The following RARB variants were observed in gnomAD, a reference collection of about 807,000 sequenced individuals.
The protein encoded by RARB is retinoic acid receptor beta.
Under a neutral mutation model 51.9 loss-of-function variants are expected in RARB, and 17 were observed. That is an observed-to-expected ratio of 0.33 (90% confidence interval 0.22 to 0.49). The LOEUF (loss-of-function observed/expected upper bound fraction) is 0.49, where lower values mean the gene tolerates loss of function less well. RARB is among the 20% of genes least tolerant of loss of function. The pLI, the probability that RARB is intolerant of heterozygous loss-of-function variation, is 0.99. For missense variants in RARB, 369 were observed against 550.8 expected, an observed-to-expected ratio of 0.67 and a Z score of 3.30; for synonymous variants, 215 against 195.4, an observed-to-expected ratio of 1.10 and a Z score of -0.84.
At chr3:25,226,832 G>A (rs572810150) in intron 5 of RARB, among the ~76,000 whole-genome samples, 2 of 152,272 alleles carry the variant, frequency 1.3e-5, no homozygotes, top group South Asian at 4.1e-4. Flanking sequence ...AATGTAGGGA[G>A]CTTGGAACTA....
intron 2 of RARB, among the ~76,000 whole-genome samples, chr3:24,908,383 G>A (rs1694912623): frequency 6.6e-6 from 1 of 152,100 alleles, no homozygotes; most frequent in African/African-American, 2.4e-5. Flanking sequence ...AGAGATTACA[G>A]TCACCATATG....
At chr3:25,147,362 C>T (rs562671576) in intron 4 of RARB, among the ~76,000 whole-genome samples, 1 of 152,210 alleles carries the variant, frequency 6.6e-6, no homozygotes. Context: ...TCAGGGCAGC[C>T]CCTTGTTCCA....
intron 2 of RARB, among the ~76,000 whole-genome samples, chr3:25,034,749 C>T (rs1026189465): frequency 2.6e-5 from 4 of 152,154 alleles, no homozygotes; most frequent in Non-Finnish European, 4.4e-5. Flanking sequence ...GCTCACAGAA[C>T]GAATGATTTG....
At chr3:25,543,381 C>T (rs1699467673) in intron 3 of RARB, among the ~76,000 whole-genome samples, 1 of 152,180 alleles carries the variant, frequency 6.6e-6, no homozygotes, top group Admixed American at 6.5e-5. Flanking sequence ...AGTTCCTACT[C>T]TCCTTGACAT....
chr3:25,549,255 GA>G lies in RARB; in HGVS notation c.449-20499del, dbSNP rs1699743654. ...CAGGCCTGATAAGCATTTAGAGACT[GA>G]AAAGAAGGGGGCCAAAGCAGAAGGC... On this transcript the variant is annotated intron_variant, in intron 3 of 7. Coordinates refer to ENST00000330688, the MANE Select transcript of RARB (RefSeq NM_000965.5). Among the ~76,000 whole-genome samples the G allele has an allele frequency of 2.0e-5, 3 of 152,040 alleles. No homozygotes were observed. The South Asian group carries it at 6.2e-4, about 32-fold the overall frequency.
chr3:24,865,976 C>T (rs556551690), intron 2 of RARB, among the ~76,000 whole-genome samples: 11 of 152,128 alleles, frequency 7.2e-5, no homozygotes, highest in Admixed American at 2.0e-4. Flanking sequence ...TGACCTCTTT[C>T]CCCCTAATTA....
rs75002491 is a variant in RARB at position 25,107,356 on chromosome 3, G to A, written c.-327-24805G>A. ...GACTCATTTGTGCCTTGTGTAAAGT[G>A]TAGAGAGGTTCTGAGAGGGGCCTTT... is the stretch of plus-strand genomic sequence containing the variant. On this transcript the variant is annotated intron_variant, in intron 3 of 11. Transcript: ENST00000383772. Among the ~76,000 whole-genome samples the A allele has an allele frequency of 6.5e-3, 994 of 152,310 alleles. 58 individuals are homozygous for A. In the East Asian group the frequency reaches 0.15, roughly 23 times the overall value.
intron 5 of RARB, among the ~76,000 whole-genome samples, chr3:25,254,823 A>G (rs1350134028): frequency 6.6e-6 from 1 of 151,368 alleles, no homozygotes; most frequent in African/African-American, 2.4e-5. Context: ...ACTGTCTTTG[A>G]CTCTGCCATT....
chr3:25,564,880 G>A lies in RARB; in HGVS notation c.449-4878G>A, dbSNP rs189289118. ...ATATGAGTGCATATACCAGTCAGTC[G>A]CAATCAGAGTGAAAGAAGAGGTCCA... On this transcript the variant is annotated intron_variant, in intron 3 of 7. Coordinates refer to ENST00000330688, the MANE Select transcript of RARB (RefSeq NM_000965.5). Among the ~76,000 whole-genome samples, 47 of 152,186 alleles carry A rather than the reference G, an allele frequency of 3.1e-4. No individual in the cohort carries two copies. The East Asian group carries it at 6.0e-3, about 19-fold the overall frequency.
At chr3:25,494,249 T>C (rs1696889694) in intron 2 of RARB, among the ~76,000 whole-genome samples, 1 of 42,212 alleles carries the variant, frequency 2.4e-5, no homozygotes, top group African/African-American at 3.9e-4. Context: ...CAGCTGTATC[T>C]TACGCACACA....
At chr3:24,971,929 A>C (rs866682958) in intron 2 of RARB, among the ~76,000 whole-genome samples, 28 of 152,064 alleles carry the variant, frequency 1.8e-4, no homozygotes, top group African/African-American at 6.5e-4. Flanking sequence ...GCTACATGTG[A>C]TAATTTGATA....
chr3:24,899,997 A>AT (rs1024395990), intron 2 of RARB, among the ~76,000 whole-genome samples: 4 of 152,116 alleles, frequency 2.6e-5, no homozygotes, highest in Non-Finnish European at 4.4e-5. Flanking sequence ...CGATATAAGC[A>AT]TTTTTTCATT....
chr3:25,460,703 C>T lies in RARB; in HGVS notation c.158-490C>T, dbSNP rs187591493. ...CCTCAGGTGATCCCCCTGCCTCAGC[C>T]TCCCAAAGTGCTAGGATTACAGGTG... On this transcript the variant is annotated intron_variant, in intron 1 of 7. Coordinates refer to ENST00000330688, the MANE Select transcript of RARB (RefSeq NM_000965.5). 5.5e-4 allele frequency among the ~76,000 whole-genome samples: 83 copies of T among 152,228 alleles called. 2 individuals are homozygous for T. The East Asian group carries it at 0.013, about 24-fold the overall frequency.
chr3:25,282,147 G>A (rs901277540), intron 5 of RARB, among the ~76,000 whole-genome samples: 4 of 152,158 alleles, frequency 2.6e-5, no homozygotes, highest in Non-Finnish European at 4.4e-5. Context: ...TTAATCTTAG[G>A]AATTAGGTGC....
intron 5 of RARB, among the ~76,000 whole-genome samples, chr3:25,406,708 A>C (rs555756892): frequency 6.6e-6 from 1 of 152,314 alleles, no homozygotes; most frequent in Non-Finnish European, 1.5e-5. Context: ...TAGGAAACAC[A>C]ATTAAGCCCA....
intron 5 of RARB, among the ~76,000 whole-genome samples, chr3:25,322,942 G>T (rs1167356202): frequency 6.6e-6 from 1 of 152,178 alleles, no homozygotes; most frequent in Non-Finnish European, 1.5e-5. Flanking sequence ...CTATGATTCT[G>T]TGGGTCAAAA....
intron 5 of RARB, among the ~76,000 whole-genome samples, chr3:25,307,900 T>A (rs1176136916): frequency 1.3e-5 from 2 of 152,240 alleles, no homozygotes; most frequent in Non-Finnish European, 2.9e-5. Flanking sequence ...TTTGTTTACA[T>A]ATTATCTGTG....
chr3:25,537,362 C>T (rs191136456), intron 3 of RARB, among the ~76,000 whole-genome samples: 2 of 152,316 alleles, frequency 1.3e-5, no homozygotes, highest in East Asian at 1.9e-4. Context: ...GACTGTCTTA[C>T]TCTGCTTTTC....
chr3:25,549,981 C>T (rs1699780885), intron 3 of RARB, among the ~76,000 whole-genome samples: 1 of 152,122 alleles, frequency 6.6e-6, no homozygotes, highest in Non-Finnish European at 1.5e-5. Flanking sequence ...AGATGATCTC[C>T]AAGGTCCCTT....
Sources: gnomAD v4.1 joint callset for allele counts (sites outside exome capture counted in the v4.1 genomes callset) on GRCh38, gnomAD v4.1.1 for gene constraint, MANE v1.5 for transcripts, NCBI Gene and HGNC (gene_info 2026-07-23, HGNC 2026-07-21) for gene names.